RPGRIP1: variants seen among roughly 807,000 people sequenced by gnomAD.
RPGRIP1 encodes RPGR interacting protein 1, also known as X-linked retinitis pigmentosa GTPase regulator-interacting protein 1.
Under a neutral mutation model 157.9 loss-of-function variants are expected in RPGRIP1, and 128 were observed. That is an observed-to-expected ratio of 0.81 (90% confidence interval 0.70 to 0.94). RPGRIP1 has a LOEUF of 0.94. Ranked by LOEUF, RPGRIP1 falls within the 40% of genes least tolerant of loss-of-function variation. The probability of loss-of-function intolerance (pLI) is 0.00; values close to 1 mark genes in which losing one functional copy is unlikely to be tolerated. For synonymous variants in RPGRIP1, 554 were observed against 571.6 expected (o/e 0.97, Z 0.44); for missense variants, 1,486 against 1,545.8 (o/e 0.96, Z 0.65).
chr14:21,325,129 A>G, intron 15 of RPGRIP1, 59 bp downstream of exon 15: 1 of 1,545,206 alleles, frequency 6.5e-7, no homozygotes, highest in Non-Finnish European at 8.7e-7. Flanking sequence ...CCCAAAGCCT[A>G]CAGTTGCTTT....
intron 3 of RPGRIP1, among the ~76,000 whole-genome samples, chr14:21,297,901 T>G (rs1880864480): frequency 7.9e-6 from 1 of 127,064 alleles, no homozygotes; most frequent in African/African-American, 3.0e-5. Flanking sequence ...AGGGTCTCAC[T>G]CTGGCACACA....
chr14:21,281,708 A>AATAATAATG (rs1880136469), intron 1 of RPGRIP1, among the ~76,000 whole-genome samples: 1 of 137,782 alleles, frequency 7.3e-6, no homozygotes, highest in Non-Finnish European at 1.5e-5. Flanking sequence ...AAAAATAAAT[A>AATAATAATG]ATAATAATAA....
Position 21,328,611 on chromosome 14 carries a change from A to G in RPGRIP1, c.3083A>G (p.Asn1028Ser), listed in dbSNP as rs1883367098. The G allele has an allele frequency of 6.2e-7, 1 of 1,612,180 alleles. No individual in the cohort carries two copies. The highest frequency in any genetic ancestry group is 8.5e-7 in the Non-Finnish European group (1 of 1,178,398). ...GAGTATCTTAGCCTTAACATCTTAAATGGAAATACACCAGAGGTAAGACCT... is the reference window on the plus strand; with the variant it reads ...GAGTATCTTAGCCTTAACATCTTAAGTGGAAATACACCAGAGGTAAGACCT... ...RMEYLSLNIL[N>S]GNTPEQVNYT... Residue 1028 changes from asparagine (N) to serine (S), a missense_variant, in exon 19 of 25, where the codon AAT becomes AGT. Transcript: ENST00000400017.
chr14:21,351,269 G>A lies in RPGRIP1; in HGVS notation c.*53G>A. 1.8e-6 allele frequency: 2 copies of A among 1,138,658 alleles called. No individual in the cohort carries two copies. Among genetic ancestry groups the A allele is most frequent in the Non-Finnish European group, 2.6e-6 (2 of 769,638 alleles). The allele number at this position is 1,138,658 out of a possible 1,614,324, so 70.5% of individuals were successfully genotyped here. ...GTCTCTGAGGGAACCATAGTAAAAA[G>A]TCTCTTATAAAGTTAGCTTGCTATA... On this transcript the variant is annotated 3_prime_UTR_variant, in exon 25 of 25. Transcript: ENST00000400017.
chr14:21,282,879 G>A (rs1880182284), intron 1 of RPGRIP1, among the ~76,000 whole-genome samples: 2 of 152,062 alleles, frequency 1.3e-5, no homozygotes, highest in Admixed American at 1.3e-4. Flanking sequence ...CAAAGTGCTG[G>A]GATTACAGGC....
At position 21,282,875 on chromosome 14, in the gene RPGRIP1, G is replaced by T. The variant is rs149629100; in HGVS notation, c.-39+2716G>T. Among the ~76,000 whole-genome samples, 811 of 152,216 alleles carry T rather than the reference G, an allele frequency of 5.3e-3. 7 individuals carry two copies. Among genetic ancestry groups the T allele is most frequent in the African/African-American group, 0.019 (784 of 41,534 alleles). On this transcript the variant is annotated intron_variant, in intron 1 of 24. Coordinates refer to ENST00000400017, the MANE Select transcript of RPGRIP1 (RefSeq NM_020366.4). Reference sequence around the variant, plus strand: ...TCCACCCATCTCGGCCTCCCAAAGTGCTGGGATTACAGGCGTGAGCCACTG... The same window carrying T: ...TCCACCCATCTCGGCCTCCCAAAGTTCTGGGATTACAGGCGTGAGCCACTG...
intron 19 of RPGRIP1, among the ~76,000 whole-genome samples, chr14:21,329,892 C>T (rs866949537): frequency 1.1e-4 from 17 of 151,142 alleles, no homozygotes; most frequent in Admixed American, 7.9e-4. Context: ...CTGAGGCATG[C>T]GGATCACATG....
chr14:21,310,671 A>G (rs370221426), intron 8 of RPGRIP1, 64 bp downstream of exon 8: 2 of 891,480 alleles, frequency 2.2e-6, no homozygotes, highest in Non-Finnish European at 1.8e-6. Flanking sequence ...AAAGAAATCT[A>G]TGTTCATCTC....
At chr14:21,288,690 T>C (rs1451119715) in intron 2 of RPGRIP1, among the ~76,000 whole-genome samples, 1 of 151,314 alleles carries the variant, frequency 6.6e-6, no homozygotes, top group Non-Finnish European at 1.5e-5. Flanking sequence ...AATTTGGTAT[T>C]TTTAGTACAG....
chr14:21,298,960 A>G (rs1448705829), intron 3 of RPGRIP1, among the ~76,000 whole-genome samples: 2 of 151,298 alleles, frequency 1.3e-5, no homozygotes, highest in Non-Finnish European at 2.9e-5. Context: ...AAAAAAAAAA[A>G]AAAAGAATCT....
intron 1 of RPGRIP1, among the ~76,000 whole-genome samples, chr14:21,282,498 A>G (rs1880166938): frequency 6.6e-6 from 1 of 151,420 alleles, no homozygotes; most frequent in Admixed American, 6.6e-5. Context: ...AGCCTCCCAT[A>G]GTGCTGGGAT....
chr14:21,305,024 G>A (rs916621676), intron 6 of RPGRIP1, among the ~76,000 whole-genome samples: 44 of 152,112 alleles, frequency 2.9e-4, no homozygotes, highest in African/African-American at 8.4e-4. Flanking sequence ...GGATGGTCTC[G>A]ATCTCCTGAC....
At chr14:21,338,639 T>C (rs1471282860) in intron 21 of RPGRIP1, among the ~76,000 whole-genome samples, 3 of 152,236 alleles carry the variant, frequency 2.0e-5, no homozygotes, top group Admixed American at 6.5e-5. Context: ...GATTGAACCA[T>C]ATATTGTCAT....
intron 6 of RPGRIP1, 118 bp from the exon 7 acceptor site, chr14:21,307,613 G>A (rs144014713): frequency 3.6e-5 from 24 of 667,990 alleles, no homozygotes; most frequent in African/African-American, 3.3e-4. Context: ...TTCTAGTGTG[G>A]GTAAGACGGG....
At position 21,303,403 on chromosome 14, in the gene RPGRIP1, G is replaced by A. The variant is rs1345218064; in HGVS notation, c.660G>A (p.Met220Ile). 1 of 1,613,682 alleles carries A rather than the reference G, an allele frequency of 6.2e-7. No homozygotes were observed. The highest frequency in any genetic ancestry group is 2.2e-5 in the East Asian group (1 of 44,882). Residue 220 changes from methionine to isoleucine, a missense_variant, in exon 6 of 25, where the codon ATG becomes ATA. By Grantham distance (10) the Met-to-Ile change is conservative. Coordinates refer to ENST00000400017, the MANE Select transcript of RPGRIP1 (RefSeq NM_020366.4). ...ISMAKPIGLC[M>I]PNSAHIMASN... Reference sequence around the variant, plus strand: ...TGGCTAAACCCATTGGTCTATGCATGCCTAACAGTGCCCACATCATGGCCA... The same window carrying A: ...TGGCTAAACCCATTGGTCTATGCATACCTAACAGTGCCCACATCATGGCCA...
chr14:21,285,605 C>CA (rs397852011), intron 1 of RPGRIP1, among the ~76,000 whole-genome samples: 62,822 of 129,344 alleles, frequency 0.49, 14,626 homozygotes, highest in South Asian at 0.58. Flanking sequence ...ACTCCATCTC[C>CA]AAAAAAAAAA....
chr14:21,346,250 C>CTTAT (rs79950203), intron 23 of RPGRIP1, among the ~76,000 whole-genome samples: 55 of 151,656 alleles, frequency 3.6e-4, no homozygotes, highest in African/African-American at 1.3e-3. Context: ...GTGGGACATA[C>CTTAT]CCAAAAAAAA....
At chr14:21,312,368 AG>A in intron 9 of RPGRIP1, 64 bp from the exon 10 acceptor site, 1 of 1,133,634 alleles carries the variant, frequency 8.8e-7, no homozygotes. Context: ...TGCCATGGAC[AG>A]GGGAAATCCT....
chr14:21,339,175 T>C (rs1319667586), intron 21 of RPGRIP1, among the ~76,000 whole-genome samples: 2 of 150,968 alleles, frequency 1.3e-5, no homozygotes, highest in Non-Finnish European at 2.9e-5. Flanking sequence ...TAGGCAGGTG[T>C]GGTGGCTCAC....
Sources: gnomAD v4.1 joint callset for allele counts (sites outside exome capture counted in the v4.1 genomes callset) on GRCh38, gnomAD v4.1.1 for gene constraint, MANE v1.5 for transcripts, NCBI Gene and HGNC (gene_info 2026-07-23, HGNC 2026-07-21) for gene names.